Variants in ANKS3 observed in about 807,000 individuals in gnomAD.
The protein encoded by ANKS3 is ankyrin repeat and sterile alpha motif domain containing 3.
Under a neutral mutation model 80.7 loss-of-function variants are expected in ANKS3, and 62 were observed. The ratio of observed to expected loss-of-function variants is 0.77; its 90% confidence interval spans 0.63 to 0.95. The LOEUF (loss-of-function observed/expected upper bound fraction) is 0.95, where lower values mean the gene tolerates loss of function less well. ANKS3 is among the 40% of genes least tolerant of loss of function. The pLI, the probability that ANKS3 is intolerant of heterozygous loss-of-function variation, is 0.00. For synonymous variants in ANKS3, 489 were observed against 355.3 expected (o/e 1.38, Z -4.23); for missense variants, 1,150 against 883.6 (o/e 1.30, Z -3.82).
chr16:4,706,038 A>T (rs971337143), intron 7 of ANKS3, among the ~76,000 whole-genome samples: 4 of 151,524 alleles, frequency 2.6e-5, no homozygotes, highest in Non-Finnish European at 4.4e-5. Flanking sequence ...GTTGGGAATT[A>T]TAGGCAGATG....
Position 4,701,522 on chromosome 16 carries a change from T to C in ANKS3, c.1031A>G (p.Asn344Ser). The C allele has an allele frequency of 6.2e-7, 1 of 1,611,236 alleles. No individual in the cohort carries two copies. The highest frequency in any genetic ancestry group is 8.5e-7 in the Non-Finnish European group (1 of 1,178,628). ...GCTGCTGCTCTGGACGGGCCCCAGG[T>C]TGGCACAGAAAGCATGTTCCTCTGA... ...SSREEHAFCA[N>S]LGPVQSSSSS... The change falls in exon 10 of 18, where the codon AAC becomes AGC. Residue 344 changes from asparagine to serine, a missense_variant. Asn to Ser is a conservative substitution (Grantham distance 46, BLOSUM62 1). Transcript: ENST00000304283.
rs2079564975 is a variant in ANKS3, at chr16:4,696,581, C to G, written c.*327G>C. 5.3e-6 allele frequency: 1 copy of G among 188,676 alleles called. No individual in the cohort carries two copies. Among genetic ancestry groups the G allele is most frequent in the Non-Finnish European group, 1.1e-5 (1 of 91,128 alleles). The allele number at this position is 188,676 out of a possible 1,614,324, so 11.7% of individuals were successfully genotyped here. A position where few individuals can be genotyped will look rare whatever the true frequency, so the allele number is the denominator to read the frequency against. ...TGCCCCAGTCCTCATTCCTAAGGTC[C>G]CACCTCAGTTGGCACCTGTGCGTGT... is the stretch of plus-strand genomic sequence containing the variant. On this transcript the variant is annotated 3_prime_UTR_variant, in exon 18 of 18. Coordinates refer to ENST00000304283, the MANE Select transcript of ANKS3 (RefSeq NM_133450.4).
chr16:4,697,232 TTGGGG>T lies in ANKS3; in HGVS notation c.1894+96_1894+100del, dbSNP rs1417352449. ...TATGGCCCCAGCCCCGAGGTCAGCCTTGGGGTAGAGAGACACAAACCCGCTTTCCC... is the reference window on the plus strand; with the variant it reads ...TATGGCCCCAGCCCCGAGGTCAGCCTTAGAGAGACACAAACCCGCTTTCCC... On this transcript the variant is annotated intron_variant, in intron 16 of 17. Coordinates refer to ENST00000304283, the MANE Select transcript of ANKS3 (RefSeq NM_133450.4). 2.6e-6 allele frequency: 4 copies of T among 1,547,580 alleles called. No homozygotes were observed. In the African/African-American group the frequency reaches 5.5e-5, roughly 21 times the overall value.
At chr16:4,723,199 C>A (rs760241823) in intron 6 of ANKS3, among the ~76,000 whole-genome samples, 3 of 152,196 alleles carry the variant, frequency 2.0e-5, no homozygotes, top group Non-Finnish European at 4.4e-5. Flanking sequence ...CACCCACTTA[C>A]AATGTACAAT....
intron 5 of ANKS3, among the ~76,000 whole-genome samples, chr16:4,726,392 T>C (rs2081353521): frequency 6.6e-6 from 1 of 152,236 alleles, no homozygotes; most frequent in African/African-American, 2.4e-5. Flanking sequence ...GCCCCTGGCA[T>C]ACAATAAAAC....
intron 8 of ANKS3, among the ~76,000 whole-genome samples, chr16:4,703,124 T>C (rs1298245527): frequency 6.6e-6 from 1 of 152,156 alleles, no homozygotes; most frequent in African/African-American, 2.4e-5. Context: ...CCCCCTAAAC[T>C]GTTTTTGAGA....
In ANKS3 at chr16:4,726,697, G is replaced by C. The variant is rs958807155; in HGVS notation, c.453C>G (p.Val151=). 5.0e-6 allele frequency: 8 copies of C among 1,614,214 alleles called. No homozygotes were observed. Among genetic ancestry groups the C allele is most frequent in the African/African-American group, 1.3e-5 (1 of 75,064 alleles). ...HCTSAGHQHM[V]RFLLDSGANA... ...TGGCTCCACTGTCCAAGAGGAACCT[G>C]ACCATGTGCTGGTGCCCGGCGCTGG... Residue 151 remains valine (V), a synonymous_variant, in exon 5 of 18, where the codon GTC becomes GTG. Transcript: ENST00000304283.
chr16:4,727,332 G>A (rs2142156791), intron 3 of ANKS3, 155 bp from the exon 4 acceptor site: 1 of 722,554 alleles, frequency 1.4e-6, no homozygotes, highest in Non-Finnish European at 2.3e-6. Context: ...CAGGCAGGCA[G>A]AAAAATGCTG....
intron 6 of ANKS3, 52 bp from the exon 7 acceptor site, chr16:4,714,238 C>G: frequency 6.2e-7 from 1 of 1,600,738 alleles, no homozygotes; most frequent in Non-Finnish European, 8.5e-7. Context: ...AAGCACCTGC[C>G]CTTCCTGGGC....
At chr16:4,725,506 C>G (rs2081302990) in intron 5 of ANKS3, among the ~76,000 whole-genome samples, 1 of 152,114 alleles carries the variant, frequency 6.6e-6, no homozygotes, top group Non-Finnish European at 1.5e-5. Flanking sequence ...TTTTTTCTTT[C>G]TTAGTGGCAT....
At chr16:4,711,973 C>T (rs1351986256) in intron 7 of ANKS3, among the ~76,000 whole-genome samples, 1 of 152,136 alleles carries the variant, frequency 6.6e-6, no homozygotes, top group Admixed American at 6.6e-5. Flanking sequence ...AGCACTAATG[C>T]TACGTGTATT....
chr16:4,721,095 G>C (rs539813020), intron 6 of ANKS3, among the ~76,000 whole-genome samples: 1 of 149,428 alleles, frequency 6.7e-6, no homozygotes, highest in Non-Finnish European at 1.5e-5. Flanking sequence ...CACGAGGTCA[G>C]GAGATCGAGA....
intron 6 of ANKS3, among the ~76,000 whole-genome samples, chr16:4,717,798 C>T (rs1007964455): frequency 9.9e-5 from 15 of 151,530 alleles, no homozygotes; most frequent in Non-Finnish European, 1.0e-4. Context: ...CACACCACAA[C>T]TGGCTTTTTT....
chr16:4,720,262 G>A (rs1325529246), intron 6 of ANKS3, among the ~76,000 whole-genome samples: 11 of 148,798 alleles, frequency 7.4e-5, no homozygotes, highest in African/African-American at 2.7e-4. Flanking sequence ...AAGAGATTGA[G>A]ACCATCCTGG....
At chr16:4,723,462 A>T (rs2142137095) in intron 6 of ANKS3, among the ~76,000 whole-genome samples, 1 of 152,198 alleles carries the variant, frequency 6.6e-6, no homozygotes, top group South Asian at 2.1e-4. Context: ...CCACTCTGTG[A>T]CCCAGAATGG....
intron 6 of ANKS3, 184 bp from the exon 7 acceptor site, chr16:4,714,370 A>C (rs915097148): frequency 1.2e-6 from 1 of 838,616 alleles, no homozygotes; most frequent in East Asian, 2.7e-5. Flanking sequence ...TTTTGCTCTC[A>C]CTCTCTTCTT....
At chr16:4,698,147 G>T in intron 14 of ANKS3, 85 bp from the exon 15 acceptor site, 3 of 1,440,374 alleles carry the variant, frequency 2.1e-6, no homozygotes, top group Non-Finnish European at 2.9e-6. Context: ...GGGGAGGGAG[G>T]GGCTCAGCCC....
chr16:4,712,274 G>C (rs1176514298), intron 7 of ANKS3, among the ~76,000 whole-genome samples: 4 of 152,162 alleles, frequency 2.6e-5, no homozygotes, highest in African/African-American at 7.2e-5. Context: ...GGGAGGCTGA[G>C]GCAGAAGAAT....
intron 15 of ANKS3, 96 bp from the exon 16 acceptor site, chr16:4,697,512 G>T (rs896489958): frequency 2.9e-6 from 3 of 1,024,632 alleles, no homozygotes; most frequent in African/African-American, 3.2e-5. Context: ...AACCTGCTTG[G>T]ATCAGAACCT....
Sources: allele counts gnomAD v4.1 joint callset (sites outside exome capture counted in the v4.1 genomes callset), GRCh38; gene constraint gnomAD v4.1.1; transcripts MANE v1.5; gene names NCBI Gene and HGNC (gene_info 2026-07-23, HGNC 2026-07-21).